The following PNOC variants were observed in gnomAD, a reference collection of about 807,000 sequenced individuals.
The protein encoded by PNOC is nociceptin.
A neutral mutation model predicts 15.6 loss-of-function variants in PNOC; 10 were observed. That is an observed-to-expected ratio of 0.64 (90% CI 0.40 to 1.09). The LOEUF (loss-of-function observed/expected upper bound fraction) is 1.09, where lower values mean the gene tolerates loss of function less well. PNOC is among the 50% of genes least tolerant of loss of function. The probability of loss-of-function intolerance (pLI) is 0.01; values close to 1 mark genes in which losing one functional copy is unlikely to be tolerated. For missense variants in PNOC, 220 were observed against 223.9 expected (o/e 0.98, Z 0.11); for synonymous variants, 98 against 88.5 (o/e 1.11, Z -0.60).
chr8:28,337,522 A>C (rs1266620848), intron 2 of PNOC, among the ~76,000 whole-genome samples: 1 of 147,516 alleles, frequency 6.8e-6, no homozygotes, highest in Non-Finnish European at 1.5e-5. Context: ...CTGGTCTCAA[A>C]CTCCTGGCCT....
In PNOC at chr8:28,339,462, C is replaced by G; in HGVS notation, c.*18C>G. ...ATGTGTAGCCGGAAGGGGCGCTCCT[C>G]CCAGCTGTACCGGCCACTGCAACCC... On this transcript the variant is annotated 3_prime_UTR_variant, in exon 3 of 4. Coordinates refer to ENST00000301908, the MANE Select transcript of PNOC (RefSeq NM_006228.5). 6.6e-7 allele frequency: 1 copy of G among 1,514,562 alleles called. No homozygotes were observed. Among genetic ancestry groups the G allele is most frequent in the East Asian group, 2.3e-5 (1 of 43,886 alleles). 93.8% of individuals were successfully genotyped at this position (1,514,562 alleles called of 1,614,324 possible). A position where few individuals can be genotyped will look rare whatever the true frequency, so the allele number is the denominator to read the frequency against.
At chr8:28,317,422 C>G (rs945249088) in intron 1 of PNOC, 106 bp downstream of exon 1, 6 of 152,434 alleles carry the variant, frequency 3.9e-5, no homozygotes, top group Non-Finnish European at 8.8e-5. Flanking sequence ...GGCCTCTCTC[C>G]TTTGTCCAGT....
intron 1 of PNOC, among the ~76,000 whole-genome samples, chr8:28,324,999 T>C (rs1365288535): frequency 6.6e-6 from 1 of 152,200 alleles, no homozygotes; most frequent in Non-Finnish European, 1.5e-5. Flanking sequence ...TCCTCTGAGA[T>C]AGGTACTAAT....
intron 1 of PNOC, among the ~76,000 whole-genome samples, chr8:28,321,927 C>T (rs1327964097): frequency 6.6e-6 from 1 of 152,202 alleles, no homozygotes; most frequent in Non-Finnish European, 1.5e-5. Flanking sequence ...CTAAAGCAGC[C>T]TCTCTCCATA....
In PNOC at chr8:28,339,197, T is replaced by C. The variant is rs368300347; in HGVS notation, c.284T>C (p.Leu95Pro). The stretch of plus-strand genomic sequence containing the variant: ...CCGAGAGCTTCGGAGATGCAGCATC[T>C]GCGGCGAATGCCCCGAGTCCGGAGC... ...YQPRASEMQH[L>P]RRMPRVRSLF... Residue 95 changes from leucine (L) to proline (P), a missense_variant, in exon 3 of 4, where the codon CTG becomes CCG. Leu to Pro is a moderately conservative substitution (Grantham distance 98). Coordinates refer to ENST00000301908, the MANE Select transcript of PNOC (RefSeq NM_006228.5). The C allele has an allele frequency of 1.2e-6, 2 of 1,613,110 alleles. No homozygotes were observed. Among genetic ancestry groups the C allele is most frequent in the African/African-American group, 2.7e-5 (2 of 74,882 alleles).
chr8:28,326,020 G>A (rs1801220074), intron 1 of PNOC, among the ~76,000 whole-genome samples: 1 of 152,096 alleles, frequency 6.6e-6, no homozygotes, highest in Admixed American at 6.5e-5. Flanking sequence ...ATTTATGTAG[G>A]CACTGTGTTC....
At chr8:28,330,400 T>TATTTTATTTTATTTTATTTTA (rs1431540071) in intron 2 of PNOC, among the ~76,000 whole-genome samples, 1,126 of 101,966 alleles carry the variant, frequency 0.011, 20 homozygotes, top group African/African-American at 0.039. Context: ...TATTTTATTT[T>TATTTTATTTTATTTTATTTTA]TTTTTTTTTT....
At position 28,343,268 on chromosome 8, in the gene PNOC, C is replaced by T. The variant is rs1801556968; in HGVS notation, c.*374C>T. Reference sequence around the variant, plus strand: ...GGGTTTTGACTTGCCACTGCCATAACTTGTTTGTAAAAGAGCTGTTCTTTT... The same window carrying T: ...GGGTTTTGACTTGCCACTGCCATAATTTGTTTGTAAAAGAGCTGTTCTTTT... On this transcript the variant is annotated 3_prime_UTR_variant, in exon 4 of 4. Transcript: ENST00000301908. 6.5e-6 allele frequency: 1 copy of T among 152,732 alleles called. No individual in the cohort carries two copies. Among genetic ancestry groups the T allele is most frequent in the African/African-American group, 2.4e-5 (1 of 41,470 alleles). 9.5% of individuals were successfully genotyped at this position (152,732 alleles called of 1,614,324 possible).
chr8:28,331,996 A>G (rs1205805407), intron 2 of PNOC, among the ~76,000 whole-genome samples: 1 of 152,222 alleles, frequency 6.6e-6, no homozygotes, highest in African/African-American at 2.4e-5. Context: ...TTACATTTCC[A>G]TCTTTCAGAG....
At chr8:28,325,662 AAAAGAAAAAGAAAAAAAAAAAAAAG>A (rs2129857639) in intron 1 of PNOC, among the ~76,000 whole-genome samples, 1 of 116,378 alleles carries the variant, frequency 8.6e-6, no homozygotes, top group East Asian at 2.0e-4. Flanking sequence ...AAAAAAAAAA[AAAAGAAAAAGAAAAAAAAAAAAAAG>A]AAAGACATTA....
At chr8:28,326,049 C>A (rs1801220537) in intron 1 of PNOC, among the ~76,000 whole-genome samples, 2 of 152,060 alleles carry the variant, frequency 1.3e-5, no homozygotes, top group South Asian at 4.1e-4. Context: ...TTTCAAAACC[C>A]GTCTCAAATG....
chr8:28,330,400 T>TATTTTTTTTTTTTTTTATTA (rs1431540071), intron 2 of PNOC, among the ~76,000 whole-genome samples: 1 of 102,228 alleles, frequency 9.8e-6, no homozygotes, highest in Non-Finnish European at 2.0e-5. Context: ...TATTTTATTT[T>TATTTTTTTTTTTTTTTATTA]TTTTTTTTTT....
intron 3 of PNOC, among the ~76,000 whole-genome samples, chr8:28,340,876 G>T (rs1005548325): frequency 7.9e-5 from 12 of 152,180 alleles, no homozygotes; most frequent in African/African-American, 2.9e-4. Flanking sequence ...CATTCCTGAA[G>T]GATCCACCCC....
At chr8:28,318,950 G>C (rs1026646005) in intron 1 of PNOC, among the ~76,000 whole-genome samples, 2 of 152,220 alleles carry the variant, frequency 1.3e-5, no homozygotes, top group African/African-American at 4.8e-5. Context: ...CCTATGACAA[G>C]AGCTGTCACT....
At chr8:28,331,720 G>C (rs1801332397) in intron 2 of PNOC, among the ~76,000 whole-genome samples, 1 of 152,134 alleles carries the variant, frequency 6.6e-6, no homozygotes, top group South Asian at 2.1e-4. Context: ...GTGTCCTCTG[G>C]TAAGAGAACA....
Position 28,339,212 on chromosome 8 carries a change from G to A in PNOC, c.299G>A (p.Arg100Gln), listed in dbSNP as rs533728896. The change falls in exon 3 of 4, where the codon CGA (arginine) becomes CAA (glutamine). Residue 100 changes from arginine (R) to glutamine (Q), a missense_variant. Arg to Gln is a conservative substitution (Grantham distance 43). Coordinates refer to ENST00000301908, the MANE Select transcript of PNOC (RefSeq NM_006228.5). ...ATGCAGCATCTGCGGCGAATGCCCCGAGTCCGGAGCTTGTTCCAGGAGCAG... is the reference window on the plus strand; with the variant it reads ...ATGCAGCATCTGCGGCGAATGCCCCAAGTCCGGAGCTTGTTCCAGGAGCAG... ...SEMQHLRRMPRVRSLFQEQEE... is the reference protein window; with the variant it reads ...SEMQHLRRMPQVRSLFQEQEE... 70 of 1,612,952 alleles carry A rather than the reference G, an allele frequency of 4.3e-5. 1 individual carries two copies. The South Asian group carries it at 6.9e-4, about 16-fold the overall frequency.
chr8:28,330,189 A>G (rs1322952965), intron 2 of PNOC, among the ~76,000 whole-genome samples: 1 of 151,728 alleles, frequency 6.6e-6, no homozygotes, highest in African/African-American at 2.4e-5. Context: ...CAAGTGATCC[A>G]CCCACCTCAT....
At chr8:28,325,320 G>C (rs1339125196) in intron 1 of PNOC, among the ~76,000 whole-genome samples, 1 of 152,080 alleles carries the variant, frequency 6.6e-6, no homozygotes, top group African/African-American at 2.4e-5. Context: ...AGTTGGAGAA[G>C]GATATTCTGG....
chr8:28,333,479 G>T (rs1801362112), intron 2 of PNOC, among the ~76,000 whole-genome samples: 1 of 152,170 alleles, frequency 6.6e-6, no homozygotes, highest in South Asian at 2.1e-4. Context: ...CGCACCAGAG[G>T]GTCAGGCATT....
Sources: allele counts gnomAD v4.1 joint callset (sites outside exome capture counted in the v4.1 genomes callset), GRCh38; gene constraint gnomAD v4.1.1; transcripts MANE v1.5; gene names NCBI Gene and HGNC (gene_info 2026-07-23, HGNC 2026-07-21).